Variants in MACROD2 observed in about 807,000 individuals in gnomAD.
MACROD2 encodes the protein mono-ADP ribosylhydrolase 2.
MACROD2 carries 36 observed loss-of-function variants against 70.4 expected under a neutral mutation model. That is an observed-to-expected ratio of 0.51 (90% CI 0.39 to 0.68). The LOEUF (loss-of-function observed/expected upper bound fraction) is 0.68. Ranked by LOEUF, MACROD2 falls within the 30% of genes least tolerant of loss-of-function variation. MACROD2 has a pLI of 0.00. For missense variants in MACROD2, 496 were observed against 538.4 expected, an observed-to-expected ratio of 0.92 and a Z score of 0.78; for synonymous variants, 172 against 178.8, an observed-to-expected ratio of 0.96 and a Z score of 0.30.
chr20:15,894,032 G>A, intron 10 of MACROD2: 3 of 425,912 alleles, frequency 7.0e-6, no homozygotes, highest in South Asian at 5.1e-5. Context: ...CTGGCTGCAA[G>A]TAGTTTGGCA....
chr20:15,688,482 T>C (rs1378137140), intron 8 of MACROD2, among the ~76,000 whole-genome samples: 1 of 152,206 alleles, frequency 6.6e-6, no homozygotes, highest in Non-Finnish European at 1.5e-5. Flanking sequence ...TAAGTGAACA[T>C]GCTTTGAGAT....
chr20:14,256,652 A>G (rs1159941670), intron 3 of MACROD2, among the ~76,000 whole-genome samples: 1 of 151,974 alleles, frequency 6.6e-6, no homozygotes, highest in Non-Finnish European at 1.5e-5. Context: ...AAGACCTTGC[A>G]CTCTTCCTAA....
intron 8 of MACROD2, among the ~76,000 whole-genome samples, chr20:15,620,915 A>C (rs985238917): frequency 2.0e-5 from 3 of 152,160 alleles, no homozygotes; most frequent in African/African-American, 7.2e-5. Context: ...GCAGTAGATG[A>C]GTCTCAGGAT....
At chr20:15,942,123 T>C (rs1442399250) in intron 12 of MACROD2, among the ~76,000 whole-genome samples, 2 of 152,174 alleles carry the variant, frequency 1.3e-5, no homozygotes, top group Admixed American at 1.3e-4. Context: ...GTTCTAGACA[T>C]ATTTTCCACT....
At chr20:14,600,867 T>G (rs775888489) in intron 4 of MACROD2, among the ~76,000 whole-genome samples, 5 of 152,222 alleles carry the variant, frequency 3.3e-5, no homozygotes, top group Non-Finnish European at 7.3e-5. Context: ...CACATTGCAT[T>G]TCTTTGCTCT....
intron 3 of MACROD2, among the ~76,000 whole-genome samples, chr20:14,187,293 G>T (rs1401819137): frequency 5.9e-5 from 9 of 152,110 alleles, no homozygotes; most frequent in Non-Finnish European, 1.3e-4. Context: ...TGACATTGGA[G>T]AATCTATTGA....
At chr20:14,029,288 A>C (rs775148247) in intron 2 of MACROD2, among the ~76,000 whole-genome samples, 6 of 152,230 alleles carry the variant, frequency 3.9e-5, no homozygotes, top group Non-Finnish European at 8.8e-5. Context: ...AGAGAAGTTA[A>C]CATGTTAGGG....
intron 3 of MACROD2, among the ~76,000 whole-genome samples, chr20:14,405,183 C>A (rs2083679332): frequency 6.6e-6 from 1 of 151,978 alleles, no homozygotes; most frequent in African/African-American, 2.4e-5. Context: ...ATGTACTAAG[C>A]TAAAAATAAT....
intron 6 of MACROD2, among the ~76,000 whole-genome samples, chr20:15,254,080 T>G (rs1045427923): frequency 4.6e-5 from 7 of 152,150 alleles, no homozygotes; most frequent in Non-Finnish European, 8.8e-5. Flanking sequence ...AGTTCCAACT[T>G]AGGGGACACT....
chr20:14,470,122 A>G (rs929366024), intron 3 of MACROD2, among the ~76,000 whole-genome samples: 1 of 151,820 alleles, frequency 6.6e-6, no homozygotes, highest in Non-Finnish European at 1.5e-5. Flanking sequence ...TTGTGTGGAC[A>G]TCCTTTTTGT....
intron 5 of MACROD2, among the ~76,000 whole-genome samples, chr20:15,013,125 C>G (rs138894971): frequency 1.3e-5 from 2 of 152,138 alleles, no homozygotes; most frequent in African/African-American, 4.8e-5. Flanking sequence ...CCCTCTTTCT[C>G]CTCGAGTATT....
chr20:14,806,530 A>C (rs1188089461), intron 5 of MACROD2, among the ~76,000 whole-genome samples: 2 of 152,128 alleles, frequency 1.3e-5, no homozygotes, highest in East Asian at 3.9e-4. Context: ...GCACACATCA[A>C]GCTAGCTGCA....
intron 8 of MACROD2, among the ~76,000 whole-genome samples, chr20:15,851,146 C>T (rs900836801): frequency 6.6e-6 from 1 of 151,866 alleles, no homozygotes; most frequent in African/African-American, 2.4e-5. Flanking sequence ...AGGGGAATTG[C>T]AAGTAGGAAG....
intron 13 of MACROD2, among the ~76,000 whole-genome samples, chr20:15,983,534 T>C (rs1466307738): frequency 1.3e-5 from 2 of 152,174 alleles, no homozygotes; most frequent in Admixed American, 1.3e-4. Flanking sequence ...TCCTCCTTGC[T>C]GTGAGAGACA....
At chr20:15,317,720 C>T (rs1236714339) in intron 6 of MACROD2, among the ~76,000 whole-genome samples, 1 of 151,624 alleles carries the variant, frequency 6.6e-6, no homozygotes, top group African/African-American at 2.4e-5. Flanking sequence ...AGAAAAATAG[C>T]AATGTTTCAG....
intron 2 of MACROD2, among the ~76,000 whole-genome samples, chr20:14,071,252 GTTTTTTTTTT>G (rs59052053): frequency 1.5e-3 from 95 of 63,950 alleles, no homozygotes; most frequent in African/African-American, 5.3e-3. Context: ...TTCATCTTGT[GTTTTTTTTTT>G]TTTTTTTTTT....
intron 8 of MACROD2, among the ~76,000 whole-genome samples, chr20:15,771,822 T>C (rs912913246): frequency 4.0e-5 from 6 of 151,754 alleles, no homozygotes; most frequent in Admixed American, 2.6e-4. Context: ...CGGTGGCTCA[T>C]GCCTGTAATC....
At chr20:14,278,374 G>C (rs1297669927) in intron 3 of MACROD2, among the ~76,000 whole-genome samples, 1 of 152,158 alleles carries the variant, frequency 6.6e-6, no homozygotes, top group Admixed American at 6.5e-5. Flanking sequence ...GGGCAGTGGT[G>C]AGAGGCAGGT....
intron 8 of MACROD2, among the ~76,000 whole-genome samples, chr20:15,655,537 A>G (rs1244552275): frequency 6.6e-6 from 1 of 152,162 alleles, no homozygotes; most frequent in Non-Finnish European, 1.5e-5. Context: ...CTTGACGTAA[A>G]GATTTGAAAG....
Sources: gnomAD v4.1 joint callset for allele counts (sites outside exome capture counted in the v4.1 genomes callset) on GRCh38, gnomAD v4.1.1 for gene constraint, MANE v1.5 for transcripts, NCBI Gene and HGNC (gene_info 2026-07-23, HGNC 2026-07-21) for gene names.